Variants in PTMS observed in about 807,000 individuals in gnomAD.
PTMS encodes parathymosin.
In PTMS, 5 loss-of-function variants were observed where a neutral mutation model predicts 18.4. That is an observed-to-expected ratio of 0.27 (90% CI 0.14 to 0.57). The LOEUF (loss-of-function observed/expected upper bound fraction) is 0.57. Ranked by LOEUF, PTMS falls within the 20% of genes least tolerant of loss-of-function variation. The probability of loss-of-function intolerance (pLI) is 0.92; values close to 1 mark genes in which losing one functional copy is unlikely to be tolerated. For missense variants in PTMS, 93 were observed against 124.6 expected (o/e 0.75, Z 1.21); for synonymous variants, 53 against 47.7 (o/e 1.11, Z -0.46).
chr12:6,770,647 T>G lies in PTMS; in HGVS notation c.*205T>G, dbSNP rs1021800221. The G allele has an allele frequency of 4.8e-6, 3 of 630,448 alleles. No homozygotes were observed. Among genetic ancestry groups the G allele is most frequent in the Non-Finnish European group, 8.4e-6 (3 of 359,118 alleles). 39.1% of individuals were successfully genotyped at this position (630,448 alleles called of 1,614,324 possible). On this transcript the variant is annotated 3_prime_UTR_variant, in exon 5 of 5. Transcript: ENST00000309083. The surrounding 1 kb of genome is among the most constrained non-coding windows in gnomAD (Gnocchi z 7.3). ...CTCACTCTGCCATTGTTCCACCTCC[T>G]GACCTGCTCCATCTGAGCTCTCCAG...
Position 6,770,015 on chromosome 12 carries a change from G to A in PTMS, c.196+16G>A. On this transcript the variant is annotated intron_variant, in intron 3 of 4. Coordinates refer to ENST00000309083, the MANE Select transcript of PTMS (RefSeq NM_002824.6). The surrounding 1 kb of genome is among the most constrained non-coding windows in gnomAD (Gnocchi z 7.3). ...GAAGAAGAAGGTGGGGAGGGGCAGG[G>A]GAGGCTGGGCTGGCAAAGTCTGGGC... The A allele has an allele frequency of 6.4e-7, 1 of 1,560,368 alleles. No homozygotes were observed. The highest frequency in any genetic ancestry group is 1.7e-4 in the Middle Eastern group (1 of 5,986).
At position 6,770,392 on chromosome 12, in the gene PTMS, G is replaced by A. The variant is rs1262699085; in HGVS notation, c.259G>A (p.Asp87Asn). 5.6e-6 allele frequency: 9 copies of A among 1,613,384 alleles called. No homozygotes were observed. The highest frequency in any genetic ancestry group is 7.6e-6 in the Non-Finnish European group (9 of 1,179,836). Residue 87 changes from aspartate to asparagine, a missense_variant and splice_region_variant, in exon 5 of 5, where the codon GAT (aspartate) becomes AAT (asparagine). Asp to Asn is a conservative substitution (Grantham distance 23, BLOSUM62 1). Coordinates refer to ENST00000309083, the MANE Select transcript of PTMS (RefSeq NM_002824.6). This position sits in a 1 kb window ranked among gnomAD's most constrained non-coding sequence, Gnocchi z 7.3. ...TCCCCCATTCTCTCCCTCTCCACAGGATGAAGCGGATCCCAAACGGCAGAA... is the reference window on the plus strand; with the variant it reads ...TCCCCCATTCTCTCCCTCTCCACAGAATGAAGCGGATCCCAAACGGCAGAA... ...PALKRAAEEE[D>N]EADPKRQKTE...
intron 1 of PTMS, chr12:6,767,545 C>A (rs1941783269): frequency 7.5e-6 from 1 of 132,984 alleles, no homozygotes; most frequent in Non-Finnish European, 1.5e-5. Context: ...GGGAAATTAA[C>A]GCGGCCGGGG....
Position 6,770,062 on chromosome 12 carries a change from G to A in PTMS, c.196+63G>A. ...GGGCTCAAAGGAGAGCAGAGTCAGG[G>A]TGGGTTTGAAGACCTGAAGCAGGGC... On this transcript the variant is annotated intron_variant, in intron 3 of 4. Transcript: ENST00000309083. This position sits in a 1 kb window ranked among gnomAD's most constrained non-coding sequence, Gnocchi z 7.3. 6.3e-7 allele frequency: 1 copy of A among 1,592,058 alleles called. No individual in the cohort carries two copies. The highest frequency in any genetic ancestry group is 8.5e-7 in the Non-Finnish European group (1 of 1,169,638).
intron 1 of PTMS, 95 bp from the exon 2 acceptor site, chr12:6,769,508 C>T: frequency 7.3e-7 from 1 of 1,362,622 alleles, no homozygotes; most frequent in Non-Finnish European, 1.1e-6. Flanking sequence ...GTTCACACAC[C>T]TCTAAGCTCA....
At chr12:6,769,779 C>T (rs779989386) in intron 2 of PTMS, 105 bp downstream of exon 2, 13 of 1,596,046 alleles carry the variant, frequency 8.1e-6, no homozygotes, top group South Asian at 1.1e-5. Context: ...TCCTGCCGTT[C>T]CCCTGAGCCC....
At chr12:6,768,025 G>A (rs1941795455) in intron 1 of PTMS, among the ~76,000 whole-genome samples, 1 of 152,228 alleles carries the variant, frequency 6.6e-6, no homozygotes, top group Non-Finnish European at 1.5e-5. Context: ...GCCGGTGTCG[G>A]TGTGTGTGCC....
At position 6,770,480 on chromosome 12, in the gene PTMS, G is replaced by C. The variant is rs746734501; in HGVS notation, c.*38G>C. ...AGGCTGGGGTTGGGAGGCCTCTCTGGGCCTGGAGGTGGGGGTGGGGGCAGC... is the reference window on the plus strand; with the variant it reads ...AGGCTGGGGTTGGGAGGCCTCTCTGCGCCTGGAGGTGGGGGTGGGGGCAGC... On this transcript the variant is annotated 3_prime_UTR_variant, in exon 5 of 5. Transcript: ENST00000309083. The surrounding 1 kb of genome is among the most constrained non-coding windows in gnomAD (Gnocchi z 7.3). 1.2e-6 allele frequency: 2 copies of C among 1,605,078 alleles called. No homozygotes were observed. Among genetic ancestry groups the C allele is most frequent in the Admixed American group, 1.7e-5 (1 of 59,818 alleles).
At chr12:6,767,598 C>CGGGCG (rs1941784907) in intron 1 of PTMS, 1 of 11,022 alleles carries the variant, frequency 9.1e-5, no homozygotes, top group South Asian at 1.9e-3. Context: ...ATGTGTATGG[C>CGGGCG]GGGGGGGGGG....
In PTMS at chr12:6,769,663, G is replaced by A; in HGVS notation, c.106G>A (p.Glu36Lys). 2.5e-6 allele frequency: 4 copies of A among 1,614,100 alleles called. No homozygotes were observed. The highest frequency in any genetic ancestry group is 3.4e-6 in the Non-Finnish European group (4 of 1,180,002). The part of the protein sequence containing the change: ...EKASRKERKK[E>K]VVEEEENGAE... Reference sequence around the variant, plus strand: ...GGCAAGCCGGAAAGAGCGAAAGAAAGAAGTGGTGGAGGTGTGGAGGGGTGG... The same window carrying A: ...GGCAAGCCGGAAAGAGCGAAAGAAAAAAGTGGTGGAGGTGTGGAGGGGTGG... Residue 36 changes from glutamate (E) to lysine (K), a missense_variant, in exon 2 of 5, where the codon GAA becomes AAA. Glu to Lys is a moderately conservative substitution (Grantham distance 56). Coordinates refer to ENST00000309083, the MANE Select transcript of PTMS (RefSeq NM_002824.6).
Position 6,766,415 on chromosome 12 carries a change from G to C in PTMS, c.-291G>C, listed in dbSNP as rs1209152493. ...GTGCGGGGGCGGCGAGCCCGGGATC[G>C]AGCTACCGCGGCCGAGCGCGCCGGC... is the stretch of plus-strand genomic sequence containing the variant. On this transcript the variant is annotated 5_prime_UTR_variant, in exon 1 of 5. Coordinates refer to ENST00000309083, the MANE Select transcript of PTMS (RefSeq NM_002824.6). 1 of 173,394 alleles carries C rather than the reference G, an allele frequency of 5.8e-6. No homozygotes were observed. Among genetic ancestry groups the C allele is most frequent in the Non-Finnish European group, 1.2e-5 (1 of 84,252 alleles). 10.7% of individuals were successfully genotyped at this position (173,394 alleles called of 1,614,324 possible).
rs1244913633 is a variant in PTMS at position 6,769,710 on chromosome 12, T to C, written c.117+36T>C. 6.8e-6 allele frequency: 11 copies of C among 1,608,670 alleles called. No homozygotes were observed. The East Asian group carries it at 2.2e-4, about 33-fold the overall frequency. On this transcript the variant is annotated intron_variant, in intron 2 of 4. Coordinates refer to ENST00000309083, the MANE Select transcript of PTMS (RefSeq NM_002824.6). ...GTGGGGGAGAGGACCACATCTGCCC[T>C]ACCATCTTCCCTCCCAATCATCTCA...
rs780802546 is a variant in PTMS, at chr12:6,769,668, GGTGGAGGT to G, written c.117+2_117+9del. Reference sequence around the variant, plus strand: ...GCCGGAAAGAGCGAAAGAAAGAAGTGGTGGAGGTGTGGAGGGGTGGGGGAGAGGACCAC... The same window carrying G: ...GCCGGAAAGAGCGAAAGAAAGAAGTGGTGGAGGGGTGGGGGAGAGGACCAC... On this transcript the variant is annotated splice_donor_variant and coding_sequence_variant, in exon 2 of 5. Transcript: ENST00000309083. LOFTEE classifies it high-confidence loss of function. The G allele has an allele frequency of 6.2e-7, 1 of 1,614,062 alleles. No individual in the cohort carries two copies. The highest frequency in any genetic ancestry group is 2.2e-5 in the East Asian group (1 of 44,876).
chr12:6,768,509 A>G (rs1941799875), intron 1 of PTMS, among the ~76,000 whole-genome samples: 1 of 152,136 alleles, frequency 6.6e-6, no homozygotes. Flanking sequence ...TGTTCCAGAA[A>G]GGACCCCCCC....
Position 6,766,536 on chromosome 12 carries a change from G to T in PTMS, c.-170G>T. 2 of 239,528 alleles carry T rather than the reference G, an allele frequency of 8.3e-6. No homozygotes were observed. Among genetic ancestry groups the T allele is most frequent in the Non-Finnish European group, 1.7e-5 (2 of 120,340 alleles). The allele number at this position is 239,528 out of a possible 1,614,324, so 14.8% of individuals were successfully genotyped here. A position where few individuals can be genotyped will look rare whatever the true frequency, so the allele number is the denominator to read the frequency against. On this transcript the variant is annotated 5_prime_UTR_variant, in exon 1 of 5. Transcript: ENST00000309083. ...CCCCCGCCCCACCCCGCGCGCCTCT[G>T]CCGCCTCTTCCAGAGACCCAGCTTG...
chr12:6,770,467 G>A lies in PTMS; in HGVS notation c.*25G>A, dbSNP rs746009152. 2 of 1,612,580 alleles carry A rather than the reference G, an allele frequency of 1.2e-6. No individual in the cohort carries two copies. The highest frequency in any genetic ancestry group is 1.7e-6 in the Non-Finnish European group (2 of 1,178,802). Reference sequence around the variant, plus strand: ...AGCCCCTGCCAACAGGCTGGGGTTGGGAGGCCTCTCTGGGCCTGGAGGTGG... The same window carrying A: ...AGCCCCTGCCAACAGGCTGGGGTTGAGAGGCCTCTCTGGGCCTGGAGGTGG... On this transcript the variant is annotated 3_prime_UTR_variant, in exon 5 of 5. Coordinates refer to ENST00000309083, the MANE Select transcript of PTMS (RefSeq NM_002824.6). This position sits in a 1 kb window ranked among gnomAD's most constrained non-coding sequence, Gnocchi z 7.3.
At chr12:6,769,458 G>C in intron 1 of PTMS, 145 bp from the exon 2 acceptor site, 1 of 866,104 alleles carries the variant, frequency 1.2e-6, no homozygotes, top group Non-Finnish European at 1.9e-6. Context: ...AAGGACCCTA[G>C]GGCCCCTATT....
chr12:6,769,620 G>A lies in PTMS; in HGVS notation c.63G>A (p.Lys21=). ...CTTTGCAGGACCTGAAGGAGAAGAA[G>A]GAGAAGGTGGAGGAGAAGGCAAGCC... ...ELSAKDLKEK[K]EKVEEKASRK... Residue 21 remains lysine, a synonymous_variant, in exon 2 of 5, where the codon AAG becomes AAA. Transcript: ENST00000309083. 6.2e-7 allele frequency: 1 copy of A among 1,614,158 alleles called. No homozygotes were observed. The highest frequency in any genetic ancestry group is 1.1e-5 in the South Asian group (1 of 91,090).
chr12:6,766,900 G>A (rs1592491335), intron 1 of PTMS, 150 bp downstream of exon 1: 1 of 410,090 alleles, frequency 2.4e-6, no homozygotes, highest in Non-Finnish European at 3.3e-6. Context: ...TCCCCGGCCC[G>A]GAGCTCCTTT....
Sources: gnomAD v4.1 joint callset for allele counts (sites outside exome capture counted in the v4.1 genomes callset) on GRCh38, gnomAD v4.1.1 for gene constraint, Gnocchi (gnomAD v3.1) non-coding constraint, MANE v1.5 for transcripts, NCBI Gene and HGNC (gene_info 2026-07-23, HGNC 2026-07-21) for gene names.